The following FOXN4 variants were observed in gnomAD, a reference collection of about 807,000 sequenced individuals.
FOXN4 encodes forkhead box protein N4.
Under a neutral mutation model 45.0 loss-of-function variants are expected in FOXN4, and 12 were observed. The ratio of observed to expected loss-of-function variants is 0.27; its 90% CI spans 0.17 to 0.43. The LOEUF (loss-of-function observed/expected upper bound fraction) is 0.43, where lower values mean the gene tolerates loss of function less well. Among genes scored for constraint, FOXN4 ranks in the 20% least tolerant of loss-of-function variants. The pLI is 1.00. For synonymous variants in FOXN4, 297 were observed against 295.0 expected, an observed-to-expected ratio of 1.01 and a Z score of -0.07; for missense variants, 560 against 694.9, an observed-to-expected ratio of 0.81 and a Z score of 2.18.
chr12:109,307,931 G>A (rs35099849), intron 2 of FOXN4, among the ~76,000 whole-genome samples: 29,070 of 152,056 alleles, frequency 0.19, 2,925 homozygotes, highest in African/African-American at 0.24. Flanking sequence ...GCCACTGGAG[G>A]GGAAGCAGTA....
Position 109,287,606 on chromosome 12 carries a change from G to T in FOXN4, c.469-82C>A. 2.8e-6 allele frequency: 4 copies of T among 1,438,580 alleles called. No individual in the cohort carries two copies. The highest frequency in any genetic ancestry group is 3.7e-6 in the Non-Finnish European group (4 of 1,086,150). The allele number at this position is 1,438,580 out of a possible 1,614,324, so 89.1% of individuals were successfully genotyped here. A position where few individuals can be genotyped will look rare whatever the true frequency, so the allele number is the denominator to read the frequency against. On this transcript the variant is annotated intron_variant, in intron 5 of 9. Transcript: ENST00000299162. The surrounding 1 kb of genome is among the most constrained non-coding windows in gnomAD (Gnocchi z 4.1). ...AACATACGTCACTCACAGTAACACT[G>T]TCCCCACCCCAGTTTCAAAACACCT...
At chr12:109,286,525 CCA>C (rs2136920610) in intron 7 of FOXN4, 121 bp downstream of exon 7, 3 of 897,280 alleles carry the variant, frequency 3.3e-6, no homozygotes, top group Non-Finnish European at 3.4e-6. Flanking sequence ...CATGTCCTAA[CCA>C]CCAGATGTAC....
At position 109,291,872 on chromosome 12, in the gene FOXN4, C is replaced by T. The variant is rs1236195582; in HGVS notation, c.87-1586G>A. ...ACAAACGACTGTTGCCCCTGTGGCA[C>T]GTGGCCCCCATTGTCCCAGGGTCTC... On this transcript the variant is annotated intron_variant, in intron 2 of 9. Transcript: ENST00000299162. This position sits in a 1 kb window ranked among gnomAD's most constrained non-coding sequence, Gnocchi z 6.6. 1.3e-5 allele frequency among the ~76,000 whole-genome samples: 2 copies of T among 152,154 alleles called. No individual in the cohort carries two copies. The highest frequency in any genetic ancestry group is 2.4e-5 in the African/African-American group (1 of 41,444).
intron 2 of FOXN4, among the ~76,000 whole-genome samples, chr12:109,301,651 T>G (rs185738218): frequency 1.3e-5 from 2 of 152,260 alleles, no homozygotes; most frequent in African/African-American, 4.8e-5. Context: ...TGATCTCTCC[T>G]GCAAGAGGCC....
chr12:109,280,168 C>T (rs541331066), intron 9 of FOXN4, among the ~76,000 whole-genome samples: 1 of 152,156 alleles, frequency 6.6e-6, no homozygotes, highest in East Asian at 1.9e-4. Flanking sequence ...CATGGCAAAA[C>T]CCCATCTCTA....
chr12:109,286,748 G>GGGGCAGGAGGTGGGGCAGGGCA lies in FOXN4; in HGVS notation c.597-26_597-5dup, dbSNP rs748878912. ...CAGGGCCATGGCGATCAGACAGCTG[G>GGGGCAGGAGGTGGGGCAGGGCA]GGGCAGGAGGTGGGGCAGGGCAGGG... is the stretch of plus-strand genomic sequence containing the variant. On this transcript the variant is annotated splice_region_variant and splice_polypyrimidine_tract_variant and intron_variant, in intron 6 of 9. Coordinates refer to ENST00000299162, the MANE Select transcript of FOXN4 (RefSeq NM_213596.3). The GGGGCAGGAGGTGGGGCAGGGCA allele has an allele frequency of 3.0e-4, 480 of 1,603,284 alleles. 1 individual carries two copies. The highest frequency in any genetic ancestry group is 3.4e-4 in the Non-Finnish European group (396 of 1,179,308).
chr12:109,283,010 T>G (rs2047667589), intron 8 of FOXN4, among the ~76,000 whole-genome samples: 1 of 152,114 alleles, frequency 6.6e-6, no homozygotes, highest in Non-Finnish European at 1.5e-5. Context: ...CCCTTCTCCC[T>G]GCCTTGAGTT....
intron 9 of FOXN4, 61 bp downstream of exon 9, chr12:109,281,346 T>TTG: frequency 6.3e-7 from 1 of 1,587,690 alleles, no homozygotes; most frequent in South Asian, 1.2e-5. Context: ...CTCACTCCCT[T>TTG]TGGCCCCCGG....
chr12:109,283,356 C>T (rs1420239599), intron 8 of FOXN4, among the ~76,000 whole-genome samples: 2 of 152,062 alleles, frequency 1.3e-5, no homozygotes, highest in East Asian at 3.9e-4. Context: ...CTCACTCGCT[C>T]TCTCTCAGAT....
intron 8 of FOXN4, among the ~76,000 whole-genome samples, chr12:109,282,731 T>G (rs2047665050): frequency 6.6e-6 from 1 of 152,178 alleles, no homozygotes; most frequent in Non-Finnish European, 1.5e-5. Flanking sequence ...GACAAATTAC[T>G]CTCATATTAT....
intron 8 of FOXN4, among the ~76,000 whole-genome samples, chr12:109,284,223 A>C (rs1565997841): frequency 6.6e-6 from 1 of 152,216 alleles, no homozygotes; most frequent in Non-Finnish European, 1.5e-5. Context: ...TATGGATGAC[A>C]AGTGAGATCC....
At chr12:109,296,897 A>G (rs1411797672) in intron 2 of FOXN4, among the ~76,000 whole-genome samples, 1 of 152,206 alleles carries the variant, frequency 6.6e-6, no homozygotes, top group Non-Finnish European at 1.5e-5. Context: ...GCCCTGAGCT[A>G]AAGCCACTTT....
In FOXN4 at chr12:109,285,352, A is replaced by G. The variant is rs1423095193; in HGVS notation, c.853T>C (p.Trp285Arg). ...ATGGCAGCCAGGTCCTTCCTCTTCC[A>G]CTTGTGCATCTCCTCCTCCATCTTG... is the stretch of plus-strand genomic sequence containing the variant. The part of the protein sequence containing the change: ...IDKMEEEMHK[W>R]KRKDLAAIHR... Residue 285 changes from tryptophan (W) to arginine (R), a missense_variant, in exon 8 of 10, where the codon TGG becomes CGG. Physicochemically the swap from Trp to Arg is moderately radical, Grantham distance 101. This residue lies in a region of FOXN4 where 315 missense variants were observed against 350.5 expected (regional missense o/e 0.90). Coordinates refer to ENST00000299162, the MANE Select transcript of FOXN4 (RefSeq NM_213596.3). The G allele has an allele frequency of 1.2e-6, 2 of 1,613,120 alleles. No homozygotes were observed. The highest frequency in any genetic ancestry group is 1.7e-6 in the Non-Finnish European group (2 of 1,179,736).
chr12:109,304,651 C>A (rs188890924), intron 2 of FOXN4, among the ~76,000 whole-genome samples: 1 of 147,124 alleles, frequency 6.8e-6, no homozygotes, highest in Non-Finnish European at 1.5e-5. Context: ...CTGCTGCCCC[C>A]GCCCTCCTGC....
Position 109,279,806 on chromosome 12 carries a change from G to C in FOXN4, c.1419C>G (p.Asp473Glu). 6.2e-7 allele frequency: 1 copy of C among 1,611,532 alleles called. No homozygotes were observed. The highest frequency in any genetic ancestry group is 8.5e-7 in the Non-Finnish European group (1 of 1,178,830). ...SGLTPASGGSDQSFPDLQVTG... is the reference protein window; with the variant it reads ...SGLTPASGGSEQSFPDLQVTG... ...TCACCTGCAAGTCTGGGAAGGACTGGTCGCTGCCACCCGAGGCAGGGGTTA... is the reference window on the plus strand; with the variant it reads ...TCACCTGCAAGTCTGGGAAGGACTGCTCGCTGCCACCCGAGGCAGGGGTTA... Residue 473 changes from aspartate to glutamate, a missense_variant, in exon 10 of 10, where the codon GAC (aspartate) becomes GAG (glutamate). By Grantham distance (45) the Asp-to-Glu change is conservative. Coordinates refer to ENST00000299162, the MANE Select transcript of FOXN4 (RefSeq NM_213596.3).
chr12:109,284,426 G>A (rs114637014), intron 8 of FOXN4, among the ~76,000 whole-genome samples: 1,768 of 150,630 alleles, frequency 0.012, 37 homozygotes, highest in African/African-American at 0.041. Flanking sequence ...GGAGGGGCGC[G>A]TGGTGTGTGT....
chr12:109,295,672 G>A (rs774135423), intron 2 of FOXN4, among the ~76,000 whole-genome samples: 3 of 152,250 alleles, frequency 2.0e-5, no homozygotes, highest in Non-Finnish European at 2.9e-5. Flanking sequence ...TGTAATCCCA[G>A]CTACTCGGGA....
chr12:109,295,555 C>T (rs1312530077), intron 2 of FOXN4, among the ~76,000 whole-genome samples: 1 of 152,174 alleles, frequency 6.6e-6, no homozygotes, highest in Non-Finnish European at 1.5e-5. Flanking sequence ...GGAGGCCAAG[C>T]CAGGCAGATC....
At chr12:109,294,992 C>T (rs903634360) in intron 2 of FOXN4, among the ~76,000 whole-genome samples, 1 of 152,202 alleles carries the variant, frequency 6.6e-6, no homozygotes, top group Non-Finnish European at 1.5e-5. Context: ...GGTTCTGGAA[C>T]CACCCATTCT....
Sources: allele counts gnomAD v4.1 joint callset (sites outside exome capture counted in the v4.1 genomes callset), GRCh38; gene constraint gnomAD v4.1.1; regional missense constraint gnomAD v4.1.1; non-coding constraint Gnocchi (gnomAD v3.1); transcripts MANE v1.5; gene names NCBI Gene and HGNC (gene_info 2026-07-23, HGNC 2026-07-21).